CLEC12A: variants seen among roughly 807,000 people sequenced by gnomAD.
CLEC12A encodes C-type lectin domain family 12 member A, also known as C-type lectin protein CLL-1.
In CLEC12A, 22 loss-of-function variants were observed where a neutral mutation model predicts 26.5. That is an observed-to-expected ratio of 0.83 (90% confidence interval 0.59 to 1.19). The LOEUF (loss-of-function observed/expected upper bound fraction) is 1.19, where lower values mean the gene tolerates loss of function less well. Among genes scored for constraint, CLEC12A ranks in the 50% most tolerant of loss-of-function variants. The pLI is 0.00. For synonymous variants in CLEC12A, 119 were observed against 101.9 expected (o/e 1.17, Z -1.01); for missense variants, 353 against 315.6 (o/e 1.12, Z -0.90).
chr12:9,964,767 C>T (rs1212759377), intron 1 of CLEC12A, among the ~76,000 whole-genome samples: 1 of 152,170 alleles, frequency 6.6e-6, no homozygotes, highest in African/African-American at 2.4e-5. Flanking sequence ...TGTACTATAG[C>T]ATAGCCTGCC....
intron 4 of CLEC12A, among the ~76,000 whole-genome samples, chr12:9,981,266 A>G (rs113108205): frequency 9.8e-4 from 150 of 152,296 alleles, no homozygotes; most frequent in African/African-American, 3.5e-3. Context: ...CCCAGGAAAA[A>G]TGTGTTTTCT....
chr12:10,002,857 A>G, the CLEC12A span, among the ~76,000 whole-genome samples: 1 of 152,192 alleles, frequency 6.6e-6, no homozygotes, highest in Non-Finnish European at 1.5e-5. Context: ...ATCTATGTTT[A>G]AGGCTGAATA....
At chr12:9,968,184 G>A (rs1864010508), upstream of CLEC12A, among the ~76,000 whole-genome samples, 1 of 152,152 alleles carries the variant, frequency 6.6e-6, no homozygotes, top group Non-Finnish European at 1.5e-5. Context: ...GGTCATAGGT[G>A]GATCTTTCTC....
chr12:9,963,762 A>T (rs147895301), intron 1 of CLEC12A, among the ~76,000 whole-genome samples: 2,875 of 152,304 alleles, frequency 0.019, 69 homozygotes, highest in African/African-American at 0.05. Flanking sequence ...AAACTGGAGA[A>T]GCAAAGTAAA....
At chr12:10,002,445 T>TG in the CLEC12A span, among the ~76,000 whole-genome samples, 31 of 38,092 alleles carry the variant, frequency 8.1e-4, 11 homozygotes, top group Admixed American at 1.2e-3. Flanking sequence ...GTAATGTTTT[T>TG]TTTTTTTTTT....
the CLEC12A span, among the ~76,000 whole-genome samples, chr12:10,002,194 T>C: frequency 6.6e-6 from 1 of 152,198 alleles, no homozygotes; most frequent in Non-Finnish European, 1.5e-5. Flanking sequence ...AAAAATTCTT[T>C]ATTCCAAATT....
intron 1 of CLEC12A, chr12:9,951,625 A>C (rs922034201): frequency 2.1e-6 from 1 of 472,248 alleles, no homozygotes; most frequent in African/African-American, 2.0e-5. Context: ...GAACTAGCCC[A>C]ACAAACAGGG....
chr12:9,979,777 A>G (rs558611021), intron 3 of CLEC12A, among the ~76,000 whole-genome samples: 1 of 152,322 alleles, frequency 6.6e-6, no homozygotes, highest in South Asian at 2.1e-4. Context: ...TAGACAAGAC[A>G]GTTTCTCTAA....
Position 9,980,662 on chromosome 12 carries a change from T to C in CLEC12A, c.460T>C (p.Trp154Arg). 6.2e-7 allele frequency: 1 copy of C among 1,613,904 alleles called. No individual in the cohort carries two copies. Among genetic ancestry groups the C allele is most frequent in the Non-Finnish European group, 8.5e-7 (1 of 1,179,882 alleles). The change falls in exon 4 of 6, where the codon TGG becomes CGG. Residue 154 changes from tryptophan (W) to arginine (R), a missense_variant. Transcript: ENST00000304361. ...TTTCCTAAGTGATGATGTCCAAACA[T>C]GGCAGGAGAGTAAAATGGCCTGTGC... ...CYFLSDDVQTWQESKMACAAQ... is the reference protein window; with the variant it reads ...CYFLSDDVQTRQESKMACAAQ...
downstream of CLEC12A, chr12:9,999,202 C>G (rs1024266142): frequency 9.1e-6 from 7 of 767,522 alleles, no homozygotes; most frequent in African/African-American, 1.2e-4. Context: ...ATCTTCCTGT[C>G]TTTAGTAGGG....
At chr12:10,004,654 G>A in the CLEC12A span, among the ~76,000 whole-genome samples, 1 of 151,934 alleles carries the variant, frequency 6.6e-6, no homozygotes, top group African/African-American at 2.4e-5. Flanking sequence ...GGCATGGCAG[G>A]CCAAAAGGCA....
downstream of CLEC12A, chr12:9,997,127 G>A (rs1156495626): frequency 3.1e-6 from 5 of 1,612,776 alleles, no homozygotes; most frequent in Non-Finnish European, 4.2e-6. Flanking sequence ...CCAGGGGTTG[G>A]AGAGATGAAG....
intron 1 of CLEC12A, among the ~76,000 whole-genome samples, chr12:9,965,812 G>A (rs950055752): frequency 1.3e-5 from 2 of 152,138 alleles, no homozygotes; most frequent in African/African-American, 4.8e-5. Flanking sequence ...CTGTGGGATA[G>A]GATATTGGCA....
At chr12:9,980,810 C>T (rs1308228851) in intron 4 of CLEC12A, 77 bp downstream of exon 4, 1 of 1,463,302 alleles carries the variant, frequency 6.8e-7, no homozygotes, top group Non-Finnish European at 9.4e-7. Flanking sequence ...TCAACCCACT[C>T]ATGATTCTGG....
intron 1 of CLEC12A, among the ~76,000 whole-genome samples, chr12:9,960,574 G>A (rs923519600): frequency 5.3e-5 from 8 of 152,052 alleles, no homozygotes; most frequent in South Asian, 2.1e-4. Context: ...CACCTCACAC[G>A]TCCTCAGCAT....
chr12:9,990,722 C>T (rs142328869), intron 4 of CLEC12A, among the ~76,000 whole-genome samples: 3 of 152,182 alleles, frequency 2.0e-5, no homozygotes, highest in Admixed American at 6.5e-5. Flanking sequence ...AAGAAGTTTA[C>T]GATGAGTAAA....
chr12:9,969,330 A>G (rs1465824117), upstream of CLEC12A, among the ~76,000 whole-genome samples: 1 of 152,186 alleles, frequency 6.6e-6, no homozygotes, highest in Non-Finnish European at 1.5e-5. Context: ...CACATTGTAT[A>G]CAGGTTTCAA....
chr12:10,004,874 T>G, the CLEC12A span, among the ~76,000 whole-genome samples: 8 of 151,958 alleles, frequency 5.3e-5, no homozygotes, highest in African/African-American at 1.9e-4. Context: ...CATTAACTTG[T>G]CATTTACATT....
chr12:10,001,375 C>G, the CLEC12A span, among the ~76,000 whole-genome samples: 1 of 152,220 alleles, frequency 6.6e-6, no homozygotes, highest in Non-Finnish European at 1.5e-5. Flanking sequence ...TCCTATATCT[C>G]AGGCTCTGGA....
Sources: gnomAD v4.1 joint callset for allele counts (sites outside exome capture counted in the v4.1 genomes callset) on GRCh38, gnomAD v4.1.1 for gene constraint, MANE v1.5 for transcripts, NCBI Gene and HGNC (gene_info 2026-07-23, HGNC 2026-07-21) for gene names.